The following LINGO2 variants were observed in gnomAD, a reference collection of about 807,000 sequenced individuals.
The protein encoded by LINGO2 is leucine rich repeat and Ig domain containing 2.
In LINGO2, 14 loss-of-function variants were observed where a neutral mutation model predicts 30.6. The ratio of observed to expected loss-of-function variants is 0.46; its 90% CI spans 0.30 to 0.72. LINGO2 has a LOEUF of 0.72. Ranked by LOEUF, LINGO2 falls within the 30% of genes least tolerant of loss-of-function variation. The pLI is 0.07. For missense variants in LINGO2, 729 were observed against 751.7 expected (o/e 0.97, Z 0.35); for synonymous variants, 317 against 288.5 (o/e 1.10, Z -1.00).
At chr9:29,203,909 A>C in the LINGO2 span, among the ~76,000 whole-genome samples, 1 of 152,216 alleles carries the variant, frequency 6.6e-6, no homozygotes, top group African/African-American at 2.4e-5. Context: ...TTATGATGCA[A>C]ATGTTTTACT....
the LINGO2 span, among the ~76,000 whole-genome samples, chr9:29,142,289 A>G: frequency 6.6e-6 from 1 of 151,908 alleles, no homozygotes; most frequent in South Asian, 2.1e-4. Context: ...AAATTAGACA[A>G]TATACTTCTG....
intron 5 of LINGO2, among the ~76,000 whole-genome samples, chr9:27,967,247 G>A (rs1291638257): frequency 6.6e-6 from 1 of 152,150 alleles, no homozygotes. Context: ...TCTGCTCTGT[G>A]AAGACATCGA....
chr9:28,526,861 T>G (rs755442931), intron 1 of LINGO2, among the ~76,000 whole-genome samples: 18 of 152,324 alleles, frequency 1.2e-4, no homozygotes, highest in Non-Finnish European at 1.5e-5. Flanking sequence ...GAATTATGTA[T>G]TATTCTAAGA....
At chr9:28,599,121 A>C (rs1190845123) in intron 1 of LINGO2, 1 of 152,164 alleles carries the variant, frequency 6.6e-6, no homozygotes, top group African/African-American at 2.4e-5. Context: ...TCTCTGCAGC[A>C]AGACTCAAAA....
At position 28,508,660 on chromosome 9, in the gene LINGO2, C is replaced by A. The variant is rs541819348; in HGVS notation, c.-364-32635G>T. On this transcript the variant is annotated intron_variant, in intron 1 of 5. Transcript: ENST00000379992. ...ATACATCTTTTCCTTTATTTGATGT[C>A]TAAGCAGAAGGTTGGTTATTTAATT... Among the ~76,000 whole-genome samples, 4 of 152,050 alleles carry A rather than the reference C, an allele frequency of 2.6e-5. No homozygotes were observed. In the East Asian group the frequency reaches 7.7e-4, roughly 29 times the overall value.
intron 4 of LINGO2, among the ~76,000 whole-genome samples, chr9:28,076,680 G>T (rs1292979544): frequency 1.3e-5 from 2 of 152,066 alleles, no homozygotes; most frequent in Admixed American, 6.5e-5. Flanking sequence ...AAAAATTCTG[G>T]AATGGAATTT....
In LINGO2 at chr9:28,111,410, T is replaced by TA. The variant is rs1387936396; in HGVS notation, c.-86-99006dup. Among the ~76,000 whole-genome samples, 523 of 147,548 alleles carry TA rather than the reference T, an allele frequency of 3.5e-3. 6 individuals are homozygous for TA. The highest frequency in any genetic ancestry group is 0.012 in the African/African-American group (469 of 40,176). On this transcript the variant is annotated intron_variant, in intron 4 of 5. Coordinates refer to ENST00000379992, the Ensembl canonical transcript of LINGO2. ...CCAGAAGTTAAAGTAAAATAAAAATTAAAAAAAAAAGGAAAACGAAGAGGC... is the reference window on the plus strand; with the variant it reads ...CCAGAAGTTAAAGTAAAATAAAAATTAAAAAAAAAAAGGAAAACGAAGAGGC...
At chr9:28,256,458 C>G (rs998543180) in intron 4 of LINGO2, among the ~76,000 whole-genome samples, 8 of 151,796 alleles carry the variant, frequency 5.3e-5, no homozygotes, top group African/African-American at 1.9e-4. Flanking sequence ...CTGCTACCCT[C>G]GTAGGTTTTC....
At chr9:28,577,155 G>C (rs561409028) in intron 1 of LINGO2, among the ~76,000 whole-genome samples, 137 of 152,240 alleles carry the variant, frequency 9.0e-4, no homozygotes, top group African/African-American at 3.0e-3. Flanking sequence ...AGGGTTATGA[G>C]ACGGGCCTGA....
chr9:28,062,502 AT>A (rs1274401895), intron 4 of LINGO2, among the ~76,000 whole-genome samples: 1 of 142,602 alleles, frequency 7.0e-6, no homozygotes, highest in African/African-American at 2.7e-5. Context: ...TATACTATAC[AT>A]GTATATATAC....
chr9:28,274,538 A>C (rs1233713710), intron 4 of LINGO2, among the ~76,000 whole-genome samples: 1 of 152,182 alleles, frequency 6.6e-6, no homozygotes, highest in Admixed American at 6.5e-5. Flanking sequence ...TCTTTCATTT[A>C]CCTTTTAAAA....
chr9:28,378,992 A>G lies in LINGO2; in HGVS notation c.-278-6124T>C, dbSNP rs547221017. Among the ~76,000 whole-genome samples, 12 of 152,306 alleles carry G rather than the reference A, an allele frequency of 7.9e-5. No individual in the cohort carries two copies. In the East Asian group the frequency reaches 2.1e-3, roughly 27 times the overall value. ...ACTTACAAAAAGTAGTCTGACAAAC[A>G]GATAAAGACGGACAAAGGCATGGAG... On this transcript the variant is annotated intron_variant, in intron 2 of 5. Coordinates refer to ENST00000379992, the Ensembl canonical transcript of LINGO2.
chr9:28,958,906 T>C, the LINGO2 span, among the ~76,000 whole-genome samples: 2 of 152,058 alleles, frequency 1.3e-5, no homozygotes, highest in East Asian at 3.9e-4. Context: ...AACAGGATGA[T>C]GACATCAAAA....
chr9:28,516,277 A>G (rs1161796347), intron 1 of LINGO2, among the ~76,000 whole-genome samples: 1 of 152,176 alleles, frequency 6.6e-6, no homozygotes, highest in Admixed American at 6.5e-5. Flanking sequence ...ACAAATGTCA[A>G]GGGAGCTTCT....
intron 4 of LINGO2, among the ~76,000 whole-genome samples, chr9:28,200,774 A>G (rs1255054782): frequency 6.6e-6 from 1 of 152,218 alleles, no homozygotes; most frequent in African/African-American, 2.4e-5. Flanking sequence ...TATATGCAGA[A>G]TAATATCAGC....
At chr9:29,093,151 G>A in the LINGO2 span, among the ~76,000 whole-genome samples, 1 of 129,554 alleles carries the variant, frequency 7.7e-6, no homozygotes, top group Non-Finnish European at 1.6e-5. Context: ...ACTTATGTTT[G>A]TTTCTTTTTG....
the LINGO2 span, among the ~76,000 whole-genome samples, chr9:28,715,928 T>C: frequency 1.3e-5 from 2 of 152,008 alleles, no homozygotes; most frequent in African/African-American, 4.8e-5. Flanking sequence ...CATTATTAAA[T>C]GTGTGGGCCA....
At chr9:28,567,809 A>G (rs113483289) in intron 1 of LINGO2, among the ~76,000 whole-genome samples, 3,080 of 151,914 alleles carry the variant, frequency 0.02, 59 homozygotes, top group Non-Finnish European at 0.031. Flanking sequence ...AAATAAATAA[A>G]TAAATAAATA....
chr9:28,841,402 A>T, the LINGO2 span, among the ~76,000 whole-genome samples: 1 of 151,844 alleles, frequency 6.6e-6, no homozygotes, highest in Non-Finnish European at 1.5e-5. Flanking sequence ...TAATACTGGG[A>T]AAGTATTAGT....
Sources: allele counts gnomAD v4.1 joint callset (sites outside exome capture counted in the v4.1 genomes callset), GRCh38; gene constraint gnomAD v4.1.1; transcripts MANE v1.5; gene names NCBI Gene and HGNC (gene_info 2026-07-23, HGNC 2026-07-21).